ALOX5: variants seen among roughly 807,000 people sequenced by gnomAD.
The protein encoded by ALOX5 is polyunsaturated fatty acid 5-lipoxygenase.
Under a neutral mutation model 87.9 loss-of-function variants are expected in ALOX5, and 64 were observed. The observed-to-expected ratio is 0.73, with a 90% CI of 0.60 to 0.90. ALOX5 has a LOEUF of 0.90. Among genes scored for constraint, ALOX5 ranks in the 40% least tolerant of loss-of-function variants. The pLI, the probability that ALOX5 is intolerant of heterozygous loss-of-function variation, is 0.00. For missense variants in ALOX5, 822 were observed against 907.5 expected (o/e 0.91, Z 1.21); for synonymous variants, 388 against 355.1 (o/e 1.09, Z -1.04).
rs1378253407 is a variant in ALOX5 at position 45,434,136 on chromosome 10, TG to T, written c.981+5378del. On this transcript the variant is annotated intron_variant, in intron 7 of 13. Transcript: ENST00000374391. Reference sequence around the variant, plus strand: ...TCATTTCCATGCCCTGTTGCGGGGCTGGGGGGCTACAGTGCCCTAAGAGGAG... The same window carrying T: ...TCATTTCCATGCCCTGTTGCGGGGCTGGGGGCTACAGTGCCCTAAGAGGAG... Among the ~76,000 whole-genome samples, 3 of 152,194 alleles carry T rather than the reference TG, an allele frequency of 2.0e-5. No individual in the cohort carries two copies. The East Asian group carries it at 5.8e-4, about 29-fold the overall frequency.
Position 45,445,557 on chromosome 10 carries a change from A to G in ALOX5, c.1895A>G (p.Lys632Arg), listed in dbSNP as rs766049195. Residue 632 changes from lysine (K) to arginine (R), a missense_variant, in exon 14 of 14, where the codon AAG (lysine) becomes AGG (arginine). Physicochemically the swap from Lys to Arg is conservative, Grantham distance 26. Coordinates refer to ENST00000374391, the MANE Select transcript of ALOX5 (RefSeq NM_000698.5). ...PEEHFIEKPVKEAMARFRKNL... is the reference protein window; with the variant it reads ...PEEHFIEKPVREAMARFRKNL... ...GAGCATTTTATCGAGAAGCCTGTGA[A>G]GGAAGCCATGGCCCGATTCCGCAAG... 3.7e-6 allele frequency: 6 copies of G among 1,614,064 alleles called. No individual in the cohort carries two copies. The highest frequency in any genetic ancestry group is 5.1e-6 in the Non-Finnish European group (6 of 1,180,026).
At chr10:45,387,106 C>T (rs1840034600) in intron 2 of ALOX5, among the ~76,000 whole-genome samples, 1 of 152,218 alleles carries the variant, frequency 6.6e-6, no homozygotes, top group Admixed American at 6.5e-5. Flanking sequence ...CAAATGCACA[C>T]CATGACCCGG....
intron 4 of ALOX5, among the ~76,000 whole-genome samples, chr10:45,419,561 A>C (rs992225138): frequency 1.3e-5 from 2 of 152,174 alleles, no homozygotes; most frequent in Non-Finnish European, 2.9e-5. Context: ...ACCCAGCTAC[A>C]TGGATGGCAG....
rs755896765 is a variant in ALOX5 at position 45,443,708 on chromosome 10, C to T, written c.1574-20C>T. Reference sequence around the variant, plus strand: ...GGTCCTCAGGGACTGGGCCTCAGCCCGCCGGTGGTTCCACCCTAGGCTTCC... The same window carrying T: ...GGTCCTCAGGGACTGGGCCTCAGCCTGCCGGTGGTTCCACCCTAGGCTTCC... On this transcript the variant is annotated intron_variant, in intron 11 of 13. Coordinates refer to ENST00000374391, the MANE Select transcript of ALOX5 (RefSeq NM_000698.5). 15 of 1,606,378 alleles carry T rather than the reference C, an allele frequency of 9.3e-6. No individual in the cohort carries two copies. Among genetic ancestry groups the T allele is most frequent in the Non-Finnish European group, 1.3e-5 (15 of 1,177,062 alleles).
chr10:45,416,327 A>C (rs1467103894), intron 4 of ALOX5, among the ~76,000 whole-genome samples: 1 of 152,168 alleles, frequency 6.6e-6, no homozygotes, highest in Non-Finnish European at 1.5e-5. Flanking sequence ...TTTGTGTCCA[A>C]AGCTGGGGCA....
intron 3 of ALOX5, among the ~76,000 whole-genome samples, chr10:45,401,499 G>A (rs1840698374): frequency 6.6e-6 from 1 of 151,892 alleles, no homozygotes; most frequent in Non-Finnish European, 1.5e-5. Context: ...TAAAATTTGG[G>A]ATTGTGCTAT....
intron 6 of ALOX5, among the ~76,000 whole-genome samples, chr10:45,428,051 G>A (rs1422389678): frequency 9.8e-6 from 1 of 102,492 alleles, no homozygotes; most frequent in Non-Finnish European, 2.0e-5. Context: ...TCCCGCCCCC[G>A]CAGACCTTCC....
intron 4 of ALOX5, 102 bp from the exon 5 acceptor site, chr10:45,423,939 G>T: frequency 1.2e-6 from 1 of 868,506 alleles, no homozygotes. Context: ...GCTGCCTGGA[G>T]GGGGCGGGGG....
rs375277942 is a variant in ALOX5, at chr10:45,424,162, G to A, written c.661+15G>A. 3.1e-6 allele frequency: 5 copies of A among 1,598,264 alleles called. No homozygotes were observed. The African/African-American group carries it at 6.7e-5, about 21-fold the overall frequency. Reference sequence around the variant, plus strand: ...CACTATTTCTGGTGAGTGTGCCTCTGGGGGCCCAAGTGGTGCTGGGGACAG... The same window carrying A: ...CACTATTTCTGGTGAGTGTGCCTCTAGGGGCCCAAGTGGTGCTGGGGACAG... On this transcript the variant is annotated intron_variant, in intron 5 of 13. Coordinates refer to ENST00000374391, the MANE Select transcript of ALOX5 (RefSeq NM_000698.5).
intron 13 of ALOX5, 137 bp downstream of exon 13, chr10:45,444,423 G>A (rs935012868): frequency 4.0e-6 from 5 of 1,249,660 alleles, no homozygotes; most frequent in Non-Finnish European, 5.4e-6. Flanking sequence ...GAAGGGCCCA[G>A]AAGGCTGCAG....
At chr10:45,410,071 C>T (rs1238506693) in intron 3 of ALOX5, among the ~76,000 whole-genome samples, 1 of 152,276 alleles carries the variant, frequency 6.6e-6, no homozygotes, top group Non-Finnish European at 1.5e-5. Context: ...TTTGCTGGCA[C>T]AGATGCCCTT....
chr10:45,429,937 C>A (rs571725287), intron 7 of ALOX5, among the ~76,000 whole-genome samples: 2 of 152,298 alleles, frequency 1.3e-5, no homozygotes. Flanking sequence ...CCACAGCCAG[C>A]CACAGAGCTA....
chr10:45,429,610 C>A (rs939846902), intron 7 of ALOX5, among the ~76,000 whole-genome samples: 1 of 152,144 alleles, frequency 6.6e-6, no homozygotes, highest in Admixed American at 6.5e-5. Flanking sequence ...AACAAACCTT[C>A]TTTGAAGCAA....
At chr10:45,428,817 G>T (rs1016809037) in intron 7 of ALOX5, 53 bp downstream of exon 7, 11 of 1,601,704 alleles carry the variant, frequency 6.9e-6, no homozygotes, top group Non-Finnish European at 9.4e-6. Flanking sequence ...CTGCGATCCA[G>T]GGCTCCTGGG....
At chr10:45,421,300 A>G (rs2132794483) in intron 4 of ALOX5, among the ~76,000 whole-genome samples, 1 of 152,270 alleles carries the variant, frequency 6.6e-6, no homozygotes, top group East Asian at 1.9e-4. Flanking sequence ...TCCTGTTTTG[A>G]GGTCAAACAG....
chr10:45,397,331 G>A (rs902502677), intron 3 of ALOX5, among the ~76,000 whole-genome samples: 1 of 152,176 alleles, frequency 6.6e-6, no homozygotes, highest in African/African-American at 2.4e-5. Context: ...AGTGAGCTGA[G>A]ATCATGCCAC....
chr10:45,400,376 G>C (rs1358863497), intron 3 of ALOX5, among the ~76,000 whole-genome samples: 3 of 152,142 alleles, frequency 2.0e-5, no homozygotes, highest in Admixed American at 2.0e-4. Context: ...GAGACGGGCA[G>C]ATCACTTGAG....
intron 2 of ALOX5, among the ~76,000 whole-genome samples, chr10:45,392,018 CGCCCCGTCCGGG>C: frequency 6.6e-6 from 1 of 151,350 alleles, no homozygotes; most frequent in East Asian, 2.0e-4. Context: ...CCCGGCCAGC[CGCCCCGTCCGGG>C]AGGGGAGGGG....
chr10:45,419,617 C>T (rs1841431008), intron 4 of ALOX5, among the ~76,000 whole-genome samples: 1 of 152,254 alleles, frequency 6.6e-6, no homozygotes, highest in Admixed American at 6.5e-5. Context: ...CGGAGGCTCA[C>T]GCCTGTAATC....
Sources: gnomAD v4.1 joint callset for allele counts (sites outside exome capture counted in the v4.1 genomes callset) on GRCh38, gnomAD v4.1.1 for gene constraint, MANE v1.5 for transcripts, NCBI Gene and HGNC (gene_info 2026-07-23, HGNC 2026-07-21) for gene names.